Variants in ATG13 observed in about 807,000 individuals in gnomAD.
The protein encoded by ATG13 is autophagy related 13.
ATG13 carries 23 observed loss-of-function variants against 65.5 expected under a neutral mutation model. The observed-to-expected ratio is 0.35, with a 90% CI of 0.25 to 0.50. The LOEUF is 0.50. Among genes scored for constraint, ATG13 ranks in the 20% least tolerant of loss-of-function variants. The pLI, the probability that ATG13 is intolerant of heterozygous loss-of-function variation, is 0.98. For missense variants in ATG13, 566 were observed against 677.0 expected (o/e 0.84, Z 1.82); for synonymous variants, 252 against 245.2 (o/e 1.03, Z -0.26).
intron 5 of ATG13, among the ~76,000 whole-genome samples, chr11:46,647,381 G>A (rs1268588832): frequency 6.7e-6 from 1 of 149,962 alleles, no homozygotes; most frequent in Non-Finnish European, 1.5e-5. Flanking sequence ...AGGTTCAAGC[G>A]ATTCTCGTGC....
intron 2 of ATG13, among the ~76,000 whole-genome samples, chr11:46,638,888 A>C (rs111235142): frequency 0.012 from 1,837 of 151,970 alleles, 44 homozygotes; most frequent in African/African-American, 0.042. Context: ...GCTCACTGCA[A>C]CCTCCGCCTC....
At chr11:46,638,786 A>G (rs2136127777) in intron 2 of ATG13, among the ~76,000 whole-genome samples, 1 of 151,912 alleles carries the variant, frequency 6.6e-6, no homozygotes, top group South Asian at 2.1e-4. Context: ...GCTAATTTCC[A>G]TGATATATAT....
intron 9 of ATG13, 49 bp downstream of exon 9, chr11:46,657,240 GT>G (rs766619575): frequency 3.3e-6 from 5 of 1,516,896 alleles, no homozygotes; most frequent in African/African-American, 2.7e-5. Context: ...AAATGTTAAA[GT>G]TTTTTTTCTC....
rs1012099243 is a variant in ATG13, at chr11:46,661,483, A to G, written c.789+1998A>G. Among the ~76,000 whole-genome samples, 5 of 143,598 alleles carry G rather than the reference A, an allele frequency of 3.5e-5. No homozygotes were observed. In the Admixed American group the frequency reaches 3.8e-4, roughly 11 times the overall value. 94.2% of individuals were successfully genotyped at this position (143,598 alleles called of 152,430 possible). A position where few individuals can be genotyped will look rare whatever the true frequency, so the allele number is the denominator to read the frequency against. On this transcript the variant is annotated intron_variant, in intron 11 of 18. Transcript: ENST00000683050. Reference sequence around the variant, plus strand: ...CAGTGAGCCAAGATTTCCCCACTGCACTCTAGCCCGGGCAACAGAGTGAGA... The same window carrying G: ...CAGTGAGCCAAGATTTCCCCACTGCGCTCTAGCCCGGGCAACAGAGTGAGA...
At chr11:46,648,964 A>G in intron 5 of ATG13, 173 bp from the exon 6 acceptor site, 1 of 461,488 alleles carries the variant, frequency 2.2e-6, no homozygotes, top group Non-Finnish European at 3.8e-6. Flanking sequence ...TCATCAAAAT[A>G]GCATATAGAC....
chr11:46,645,320 G>GT lies in ATG13; in HGVS notation c.70-18dup. Reference sequence around the variant, plus strand: ...TTTTCATCATTTTAGGATTTCTTTTGTGTTTTTTTTTTCTTTAGACTGTCC... The same window carrying GT: ...TTTTCATCATTTTAGGATTTCTTTTGTTGTTTTTTTTTTCTTTAGACTGTCC... On this transcript the variant is annotated intron_variant, in intron 3 of 18. Coordinates refer to ENST00000683050, the MANE Select transcript of ATG13 (RefSeq NM_001346311.2). 6.3e-7 allele frequency: 1 copy of GT among 1,594,766 alleles called. No individual in the cohort carries two copies. The highest frequency in any genetic ancestry group is 1.4e-5 in the African/African-American group (1 of 73,354).
chr11:46,626,201 C>T (rs1009358149), intron 1 of ATG13, among the ~76,000 whole-genome samples: 2 of 151,828 alleles, frequency 1.3e-5, no homozygotes, highest in African/African-American at 2.4e-5. Flanking sequence ...GTGATCCACC[C>T]GCCTCGGCCT....
Position 46,659,467 on chromosome 11 carries a change from C to T in ATG13, c.771C>T (p.Ser257=). 1 of 1,613,656 alleles carries T rather than the reference C, an allele frequency of 6.2e-7. No homozygotes were observed. The highest frequency in any genetic ancestry group is 1.3e-5 in the African/African-American group (1 of 74,996). ...AAGAAGTGTGTACCACCTCTTTTTC[C>T]ACCTCCCCACCATCCCAGGTAGGGG... ...DSQEVCTTSF[S]TSPPSQCVFT... Residue 257 remains serine, a synonymous_variant, in exon 11 of 19, where the codon TCC becomes TCT. Coordinates refer to ENST00000683050, the MANE Select transcript of ATG13 (RefSeq NM_001346311.2).
At chr11:46,626,791 C>T (rs893655567) in intron 1 of ATG13, among the ~76,000 whole-genome samples, 5 of 152,134 alleles carry the variant, frequency 3.3e-5, no homozygotes, top group Non-Finnish European at 4.4e-5. Context: ...GCTATTCTTA[C>T]ATTTATTTAT....
At chr11:46,633,021 TA>T (rs1341385004) in intron 2 of ATG13, among the ~76,000 whole-genome samples, 6 of 102,960 alleles carry the variant, frequency 5.8e-5, no homozygotes, top group African/African-American at 3.7e-4. Flanking sequence ...TATATATATA[TA>T]TATATTTTTT....
chr11:46,654,866 C>T lies in ATG13; in HGVS notation c.459-1367C>T, dbSNP rs151221319. Reference sequence around the variant, plus strand: ...GTAATCCCAGCACTTTGGGAGGCTACGGCGGGTGTATCACTTGAGCTCAGG... The same window carrying T: ...GTAATCCCAGCACTTTGGGAGGCTATGGCGGGTGTATCACTTGAGCTCAGG... On this transcript the variant is annotated intron_variant, in intron 7 of 18. Transcript: ENST00000683050. 1.5e-4 allele frequency among the ~76,000 whole-genome samples: 22 copies of T among 148,512 alleles called. No homozygotes were observed. The East Asian group carries it at 3.7e-3, about 25-fold the overall frequency.
At chr11:46,665,620 A>G in intron 14 of ATG13, 101 bp downstream of exon 14, 1 of 1,447,054 alleles carries the variant, frequency 6.9e-7, no homozygotes, top group Admixed American at 2.1e-5. Context: ...AACTTTCAGC[A>G]TTGGCTGGGA....
intron 8 of ATG13, 96 bp from the exon 9 acceptor site, chr11:46,656,999 G>C: frequency 9.9e-7 from 1 of 1,010,284 alleles, no homozygotes; most frequent in South Asian, 1.3e-5. Flanking sequence ...TAATGCCAGA[G>C]ATTACACAAT....
intron 1 of ATG13, among the ~76,000 whole-genome samples, chr11:46,627,853 C>T (rs1228251830): frequency 2.0e-5 from 3 of 151,970 alleles, no homozygotes; most frequent in South Asian, 2.1e-4. Flanking sequence ...GAGGCTGAGA[C>T]GGGAGGATTG....
At chr11:46,655,616 A>G (rs576609699) in intron 7 of ATG13, among the ~76,000 whole-genome samples, 16 of 152,360 alleles carry the variant, frequency 1.1e-4, no homozygotes, top group South Asian at 6.2e-4. Flanking sequence ...TCTAGTAGCA[A>G]TCCTAGACCT....
chr11:46,622,767 T>G (rs927351135), intron 1 of ATG13, among the ~76,000 whole-genome samples: 1 of 152,230 alleles, frequency 6.6e-6, no homozygotes, highest in African/African-American at 2.4e-5. Context: ...AATGCTATTT[T>G]AGGGGCAAAG....
chr11:46,617,748 G>A lies in ATG13; in HGVS notation c.-212G>A. 1 of 398,830 alleles carries A rather than the reference G, an allele frequency of 2.5e-6. No homozygotes were observed. The highest frequency in any genetic ancestry group is 4.4e-6 in the Non-Finnish European group (1 of 226,042). The allele number at this position is 398,830 out of a possible 1,614,324, so 24.7% of individuals were successfully genotyped here. On this transcript the variant is annotated 5_prime_UTR_variant, in exon 1 of 19. Coordinates refer to ENST00000683050, the MANE Select transcript of ATG13 (RefSeq NM_001346311.2). Reference sequence around the variant, plus strand: ...GCCTGCGAGCCAGGACCCTTCTGAAGCCTTAGGTGTCTATCGGCGACGTGT... The same window carrying A: ...GCCTGCGAGCCAGGACCCTTCTGAAACCTTAGGTGTCTATCGGCGACGTGT...
chr11:46,640,893 C>G (rs2136182119), intron 2 of ATG13, among the ~76,000 whole-genome samples: 1 of 152,308 alleles, frequency 6.6e-6, no homozygotes, highest in East Asian at 1.9e-4. Context: ...GGTACAGATA[C>G]TTTAAACCTT....
chr11:46,672,494 G>A lies in ATG13; in HGVS notation c.*162G>A. 6.7e-7 allele frequency: 1 copy of A among 1,498,268 alleles called. No individual in the cohort carries two copies. The highest frequency in any genetic ancestry group is 8.9e-7 in the Non-Finnish European group (1 of 1,125,226). The allele number at this position is 1,498,268 out of a possible 1,614,324, so 92.8% of individuals were successfully genotyped here. ...AGAAGTCCCTACTCTTGGACCTCCT[G>A]GAGACTCCGTGGCGGCAGTCAAGCC... On this transcript the variant is annotated 3_prime_UTR_variant, in exon 19 of 19. Coordinates refer to ENST00000683050, the MANE Select transcript of ATG13 (RefSeq NM_001346311.2).
Sources: allele counts gnomAD v4.1 joint callset (sites outside exome capture counted in the v4.1 genomes callset), GRCh38; gene constraint gnomAD v4.1.1; transcripts MANE v1.5; gene names NCBI Gene and HGNC (gene_info 2026-07-23, HGNC 2026-07-21).